RGS6: variants seen among roughly 807,000 people sequenced by gnomAD.
RGS6 encodes regulator of G-protein signaling 6.
Under a neutral mutation model 78.5 loss-of-function variants are expected in RGS6, and 30 were observed. The observed-to-expected ratio is 0.38, with a 90% CI of 0.29 to 0.52. RGS6 has a LOEUF of 0.52. Ranked by LOEUF, RGS6 falls within the 20% of genes least tolerant of loss-of-function variation. The pLI is 0.85. For synonymous variants in RGS6, 206 were observed against 206.0 expected, an observed-to-expected ratio of 1.00 and a Z score of 0.00; for missense variants, 495 against 609.7, an observed-to-expected ratio of 0.81 and a Z score of 1.98.
intron 2 of RGS6, among the ~76,000 whole-genome samples, chr14:72,112,911 C>T (rs1168899994): frequency 1.3e-5 from 2 of 152,226 alleles, no homozygotes; most frequent in African/African-American, 4.8e-5. Context: ...GGGGGACAGG[C>T]AGACTCTGAA....
rs141586845 is a variant in RGS6 at position 72,363,344 on chromosome 14, C to T, written c.184+11150C>T. Among the ~76,000 whole-genome samples the T allele has an allele frequency of 1.1e-3, 170 of 152,304 alleles. 1 individual carries two copies. The highest frequency in any genetic ancestry group is 1.6e-3 in the Non-Finnish European group (106 of 68,032). On this transcript the variant is annotated intron_variant, in intron 3 of 17. Transcript: ENST00000553525. ...TATGTGAGAAATAAGGCCATATTAA[C>T]GACAACCACAGCATCAACTGAAACC... is the stretch of plus-strand genomic sequence containing the variant.
chr14:72,347,574 T>C lies in RGS6; in HGVS notation c.85-4521T>C, dbSNP rs527795929. ...AATCTTTGTTCTCTTGTCTATAAAA[T>C]GGGGATATAATAATCTACCTCCTGT... On this transcript the variant is annotated intron_variant, in intron 2 of 17. Coordinates refer to ENST00000553525, the MANE Select transcript of RGS6 (RefSeq NM_001204424.2). Among the ~76,000 whole-genome samples the C allele has an allele frequency of 1.3e-5, 2 of 152,300 alleles. 1 individual carries two copies. Among genetic ancestry groups the C allele is most frequent in the East Asian group, 3.9e-4 (2 of 5,180 alleles).
At chr14:72,211,263 C>T (rs780591026) in intron 2 of RGS6, among the ~76,000 whole-genome samples, 28 of 152,066 alleles carry the variant, frequency 1.8e-4, no homozygotes, top group Non-Finnish European at 2.9e-4. Flanking sequence ...AAAAGGAAGA[C>T]GAGGTCAACA....
rs534285043 is a variant in RGS6, at chr14:72,068,112, CATTT to C, written c.84+103243_84+103246del. Among the ~76,000 whole-genome samples the C allele has an allele frequency of 3.0e-3, 454 of 150,256 alleles. 2 individuals carry two copies. The highest frequency in any genetic ancestry group is 0.01 in the African/African-American group (418 of 40,904). ...AAGTGAGCCCAGATTACACTAATAT[CATTT>C]ATTTAATTATGTATGTATGTATTTT... On this transcript the variant is annotated intron_variant, in intron 2 of 17. Transcript: ENST00000553525.
chr14:72,317,451 T>C lies in RGS6; in HGVS notation c.85-34644T>C, dbSNP rs190402531. 2.9e-4 allele frequency among the ~76,000 whole-genome samples: 44 copies of C among 152,314 alleles called. 1 individual carries two copies. In the East Asian group the frequency reaches 6.8e-3, roughly 23 times the overall value. Reference sequence around the variant, plus strand: ...CTAGAGAAGCTTCCTTAGGGGCTTATGAATGGTGAAAATGTGCACGTTTGC... The same window carrying C: ...CTAGAGAAGCTTCCTTAGGGGCTTACGAATGGTGAAAATGTGCACGTTTGC... On this transcript the variant is annotated intron_variant, in intron 2 of 17. Transcript: ENST00000553525.
At chr14:72,202,194 A>G (rs568801155) in intron 2 of RGS6, among the ~76,000 whole-genome samples, 2 of 152,316 alleles carry the variant, frequency 1.3e-5, no homozygotes, top group African/African-American at 4.8e-5. Context: ...GGGAATACAA[A>G]TTATGTTCAT....
chr14:72,182,894 A>T (rs556504076), intron 2 of RGS6, among the ~76,000 whole-genome samples: 2 of 152,082 alleles, frequency 1.3e-5, no homozygotes, highest in African/African-American at 4.8e-5. Context: ...GTCGTTGATG[A>T]TTTTTTTTCA....
At chr14:71,976,095 A>G (rs905391533) in intron 2 of RGS6, among the ~76,000 whole-genome samples, 10 of 151,666 alleles carry the variant, frequency 6.6e-5, no homozygotes, top group Non-Finnish European at 8.8e-5. Context: ...TTTTCTGCTA[A>G]ACTTCTCTAT....
intron 2 of RGS6, among the ~76,000 whole-genome samples, chr14:72,127,608 A>T (rs1253135242): frequency 6.6e-6 from 1 of 151,898 alleles, no homozygotes; most frequent in East Asian, 1.9e-4. Context: ...ACCAGGGCTT[A>T]AAAAAAACCA....
chr14:72,150,738 C>G (rs1226358851), intron 2 of RGS6, among the ~76,000 whole-genome samples: 1 of 152,054 alleles, frequency 6.6e-6, no homozygotes, highest in African/African-American at 2.4e-5. Context: ...AGGGGGAAAT[C>G]CACCCCTACC....
chr14:72,178,850 A>G (rs1036735712), intron 2 of RGS6, among the ~76,000 whole-genome samples: 3 of 152,222 alleles, frequency 2.0e-5, no homozygotes, highest in African/African-American at 7.2e-5. Context: ...AAACTTTCAG[A>G]CTTAGAATAG....
chr14:72,134,025 T>G (rs2096385642), intron 2 of RGS6, among the ~76,000 whole-genome samples: 1 of 152,222 alleles, frequency 6.6e-6, no homozygotes, highest in Non-Finnish European at 1.5e-5. Flanking sequence ...TTTCATTGAT[T>G]GGAGTTGTCA....
At chr14:72,232,316 A>G (rs2049851777) in intron 2 of RGS6, among the ~76,000 whole-genome samples, 1 of 152,138 alleles carries the variant, frequency 6.6e-6, no homozygotes, top group South Asian at 2.1e-4. Flanking sequence ...CCTCCAGGAG[A>G]GGGAAGATGG....
chr14:72,181,351 G>A (rs1160938412), intron 2 of RGS6, among the ~76,000 whole-genome samples: 2 of 152,164 alleles, frequency 1.3e-5, no homozygotes, highest in African/African-American at 4.8e-5. Context: ...TCTCATAATT[G>A]CTGTGCAGAC....
At chr14:72,262,706 A>G (rs1277585193) in intron 2 of RGS6, among the ~76,000 whole-genome samples, 1 of 152,212 alleles carries the variant, frequency 6.6e-6, no homozygotes, top group African/African-American at 2.4e-5. Flanking sequence ...GACTTTTAGA[A>G]CCAATTACCT....
At chr14:72,256,776 C>G (rs575116425) in intron 2 of RGS6, among the ~76,000 whole-genome samples, 1 of 152,154 alleles carries the variant, frequency 6.6e-6, no homozygotes, top group African/African-American at 2.4e-5. Context: ...TGCTGACTAG[C>G]TTTCTGTCAT....
chr14:71,956,357 G>GTGTGTATA (rs1555400488), intron 1 of RGS6, among the ~76,000 whole-genome samples: 59 of 150,588 alleles, frequency 3.9e-4, no homozygotes, highest in African/African-American at 5.9e-4. Context: ...GTGTGTGTGT[G>GTGTGTATA]TATATTCTAT....
At chr14:72,414,836 G>A (rs550349391) in intron 3 of RGS6, among the ~76,000 whole-genome samples, 4 of 152,188 alleles carry the variant, frequency 2.6e-5, no homozygotes, top group Non-Finnish European at 5.9e-5. Context: ...CTGTTTACCT[G>A]CGTATCAGCA....
intron 2 of RGS6, among the ~76,000 whole-genome samples, chr14:72,322,811 C>G (rs1466873466): frequency 1.3e-5 from 2 of 152,020 alleles, no homozygotes; most frequent in Non-Finnish European, 2.9e-5. Context: ...TCCATAAATA[C>G]TTGAACAGGT....
Sources: allele counts gnomAD v4.1 joint callset (sites outside exome capture counted in the v4.1 genomes callset), GRCh38; gene constraint gnomAD v4.1.1; transcripts MANE v1.5; gene names NCBI Gene and HGNC (gene_info 2026-07-23, HGNC 2026-07-21).